Variants in RBL1 observed in about 807,000 individuals in gnomAD.
The protein encoded by RBL1 is retinoblastoma-like protein 1.
In RBL1, 82 loss-of-function variants were observed where a neutral mutation model predicts 123.0. That is an observed-to-expected ratio of 0.67 (90% confidence interval 0.56 to 0.80). The LOEUF is 0.80. RBL1 is among the 30% of genes least tolerant of loss of function. The probability of loss-of-function intolerance (pLI) is 0.00; values close to 1 mark genes in which losing one functional copy is unlikely to be tolerated. For synonymous variants in RBL1, 405 were observed against 441.3 expected (o/e 0.92, Z 1.03); for missense variants, 1,171 against 1,299.6 (o/e 0.90, Z 1.52).
At chr20:37,076,221 A>C (rs183551313) in intron 2 of RBL1, among the ~76,000 whole-genome samples, 38 of 152,372 alleles carry the variant, frequency 2.5e-4, no homozygotes, top group African/African-American at 8.4e-4. Context: ...GAGATGCCTG[A>C]AACTGCAAAT....
At chr20:37,018,487 T>C in intron 18 of RBL1, 118 bp from the exon 19 acceptor site, 6 of 1,339,226 alleles carry the variant, frequency 4.5e-6, no homozygotes, top group Non-Finnish European at 4.9e-6. Flanking sequence ...GTATAAGTGA[T>C]ACTCAAGGGT....
intron 11 of RBL1, 104 bp from the exon 12 acceptor site, chr20:37,047,294 T>C: frequency 7.6e-7 from 1 of 1,311,652 alleles, no homozygotes; most frequent in Non-Finnish European, 1.0e-6. Context: ...GTGCAAATTA[T>C]ATTACACTAG....
chr20:37,019,389 G>T (rs1033325975), intron 18 of RBL1, among the ~76,000 whole-genome samples: 20 of 152,148 alleles, frequency 1.3e-4, no homozygotes, highest in African/African-American at 4.8e-4. Context: ...CTGGTATTAA[G>T]AAGATATTCA....
At position 37,004,475 on chromosome 20, in the gene RBL1, G is replaced by A. The variant is rs566733021; in HGVS notation, c.2872-609C>T. ...CACCTGTAATGCCAGCACTTTGGGA[G>A]GCTGAGATGGGCGGATCACCTGAGG... On this transcript the variant is annotated intron_variant, in intron 20 of 21. Transcript: ENST00000373664. Among the ~76,000 whole-genome samples, 745 of 151,284 alleles carry A rather than the reference G, an allele frequency of 4.9e-3. 7 individuals carry two copies. The highest frequency in any genetic ancestry group is 0.017 in the African/African-American group (710 of 41,364).
chr20:37,052,698 C>T (rs1391656214), intron 11 of RBL1, among the ~76,000 whole-genome samples: 4 of 151,986 alleles, frequency 2.6e-5, no homozygotes, highest in African/African-American at 9.7e-5. Flanking sequence ...TTAGTTGAGA[C>T]GGGATTTTGC....
chr20:37,022,985 G>T (rs968726215), intron 16 of RBL1, among the ~76,000 whole-genome samples, 159 bp from the exon 17 acceptor site: 1 of 152,102 alleles, frequency 6.6e-6, no homozygotes, highest in African/African-American at 2.4e-5. Context: ...ATGGCAGGAG[G>T]ATATAGATTA....
chr20:36,997,188 T>C lies in RBL1; in HGVS notation c.*1571A>G, dbSNP rs188546114. The C allele has an allele frequency of 8.8e-4, 134 of 152,248 alleles. No individual in the cohort carries two copies. The Middle Eastern group carries it at 0.017, about 19-fold the overall frequency. The allele number at this position is 152,248 out of a possible 1,614,324, so 9.4% of individuals were successfully genotyped here. A position where few individuals can be genotyped will look rare whatever the true frequency, so the allele number is the denominator to read the frequency against. Reference sequence around the variant, plus strand: ...AAAAGTAAACGTTAAAGAGGTGATATTTTGGAAAGCATCCCTAGTACTGAA... The same window carrying C: ...AAAAGTAAACGTTAAAGAGGTGATACTTTGGAAAGCATCCCTAGTACTGAA... On this transcript the variant is annotated 3_prime_UTR_variant, in exon 22 of 22. Coordinates refer to ENST00000373664, the MANE Select transcript of RBL1 (RefSeq NM_002895.5).
At chr20:37,031,064 T>C (rs1394682598) in intron 16 of RBL1, among the ~76,000 whole-genome samples, 1 of 151,592 alleles carries the variant, frequency 6.6e-6, no homozygotes, top group African/African-American at 2.4e-5. Context: ...ATAGACATAA[T>C]AAATATAAGA....
chr20:37,065,561 G>T, intron 6 of RBL1, 88 bp from the exon 7 acceptor site: 1 of 788,792 alleles, frequency 1.3e-6, no homozygotes, highest in African/African-American at 1.7e-5. Context: ...TTTCCATATT[G>T]TTATAACACA....
chr20:37,058,518 GAAAA>G (rs1230762198), intron 9 of RBL1, among the ~76,000 whole-genome samples: 2 of 68,878 alleles, frequency 2.9e-5, no homozygotes, highest in Non-Finnish European at 6.3e-5. Flanking sequence ...CGCCTCAAAA[GAAAA>G]AAAAAAAAAA....
chr20:37,039,070 A>C (rs1017757593), intron 14 of RBL1, among the ~76,000 whole-genome samples: 3 of 152,220 alleles, frequency 2.0e-5, no homozygotes, highest in Non-Finnish European at 4.4e-5. Flanking sequence ...GGAGATTTTA[A>C]CTGATTTTTA....
chr20:37,090,118 C>A (rs1195227459), intron 1 of RBL1, among the ~76,000 whole-genome samples: 1 of 152,180 alleles, frequency 6.6e-6, no homozygotes, highest in Admixed American at 6.5e-5. Context: ...TTATAATTTA[C>A]TGTACCCCTT....
chr20:37,081,890 G>C, intron 2 of RBL1: 1 of 413,852 alleles, frequency 2.4e-6, no homozygotes, highest in Non-Finnish European at 4.8e-6. Context: ...AGACTCACCA[G>C]AGACCCCTGC....
intron 19 of RBL1, among the ~76,000 whole-genome samples, chr20:37,013,283 C>G (rs1446032172): frequency 6.6e-6 from 1 of 151,778 alleles, no homozygotes; most frequent in Non-Finnish European, 1.5e-5. Flanking sequence ...TGATCTGTGA[C>G]CTTACCCCCA....
At chr20:37,072,251 C>A (rs1342925485) in intron 2 of RBL1, among the ~76,000 whole-genome samples, 1 of 152,168 alleles carries the variant, frequency 6.6e-6, no homozygotes, top group Admixed American at 6.6e-5. Context: ...GGTGGACAAC[C>A]TGAGGTCAGG....
chr20:37,075,694 G>GAC, intron 2 of RBL1, among the ~76,000 whole-genome samples: 1 of 152,228 alleles, frequency 6.6e-6, no homozygotes. Flanking sequence ...GACCTCAGGT[G>GAC]ATCCACCCAC....
chr20:37,057,963 T>C (rs529238238), intron 9 of RBL1, among the ~76,000 whole-genome samples: 1 of 151,734 alleles, frequency 6.6e-6, no homozygotes, highest in South Asian at 2.1e-4. Context: ...CCGTCTCTAC[T>C]AAATACAAAA....
chr20:37,007,342 G>A (rs1279273154), intron 20 of RBL1, 69 bp downstream of exon 20: 1 of 1,520,312 alleles, frequency 6.6e-7, no homozygotes, highest in Non-Finnish European at 9.0e-7. Flanking sequence ...TATTTATCTA[G>A]CAAAATAAAC....
chr20:37,095,113 C>T (rs62206491), intron 1 of RBL1, among the ~76,000 whole-genome samples: 30,990 of 152,174 alleles, frequency 0.2, 3,434 homozygotes, highest in Middle Eastern at 0.34. Context: ...TTGTTTTATT[C>T]AGAGCCAGAC....
Sources: gnomAD v4.1 joint callset for allele counts (sites outside exome capture counted in the v4.1 genomes callset) on GRCh38, gnomAD v4.1.1 for gene constraint, MANE v1.5 for transcripts, NCBI Gene and HGNC (gene_info 2026-07-23, HGNC 2026-07-21) for gene names.